The following ACO2 variants were observed in gnomAD, a reference collection of about 807,000 sequenced individuals.
The protein encoded by ACO2 is aconitase 2.
In ACO2, 31 loss-of-function variants were observed where a neutral mutation model predicts 84.5. That is an observed-to-expected ratio of 0.37 (90% CI 0.28 to 0.50). The LOEUF is 0.50. Ranked by LOEUF, ACO2 falls within the 20% of genes least tolerant of loss-of-function variation. The pLI, the probability that ACO2 is intolerant of heterozygous loss-of-function variation, is 0.97. For synonymous variants in ACO2, 414 were observed against 412.7 expected, an observed-to-expected ratio of 1.00 and a Z score of -0.04; for missense variants, 685 against 1,029.3, an observed-to-expected ratio of 0.67 and a Z score of 4.58.
At chr22:41,505,436 TAATAATA>T (rs991925652) in intron 2 of ACO2, among the ~76,000 whole-genome samples, 17 of 150,934 alleles carry the variant, frequency 1.1e-4, no homozygotes, top group Admixed American at 4.6e-4. Flanking sequence ...ACAATAATAA[TAATAATA>T]ATAATAATAA....
chr22:41,518,628 C>G, intron 8 of ACO2, 56 bp downstream of exon 8: 1 of 1,363,756 alleles, frequency 7.3e-7, no homozygotes, highest in Non-Finnish European at 1.0e-6. Context: ...GGGAGCAGGG[C>G]GGGTCCTGCC....
intron 2 of ACO2, among the ~76,000 whole-genome samples, chr22:41,506,314 G>A (rs538099216): frequency 5.4e-4 from 82 of 151,696 alleles, no homozygotes; most frequent in African/African-American, 1.9e-3. Context: ...GTGCAGTGGC[G>A]CTATCTCAGC....
At chr22:41,487,262 C>T (rs1237126627) in intron 1 of ACO2, among the ~76,000 whole-genome samples, 1 of 152,194 alleles carries the variant, frequency 6.6e-6, no homozygotes, top group Non-Finnish European at 1.5e-5. Context: ...ACTCCTTCCC[C>T]TAAAGCCCAT....
chr22:41,517,663 G>A (rs1271005027), intron 7 of ACO2, 32 bp downstream of exon 7: 1 of 1,568,374 alleles, frequency 6.4e-7, no homozygotes, highest in East Asian at 2.2e-5. Flanking sequence ...CGTGTGGGTG[G>A]AACAGTCACA....
At chr22:41,526,230 C>G (rs1023835106) in intron 14 of ACO2, 32 bp from the exon 15 acceptor site, 7 of 1,596,754 alleles carry the variant, frequency 4.4e-6, no homozygotes, top group Non-Finnish European at 6.0e-6. Flanking sequence ...GGGCCATGCC[C>G]TGACCTCTGT....
Position 41,528,740 on chromosome 22 carries a change from C to G in ACO2, c.*127C>G. The stretch of plus-strand genomic sequence containing the variant: ...GTGACCAGACATGCTTCCTGCTCCC[C>G]GCTTAGCCCACGGAGTGACTGTGGT... On this transcript the variant is annotated 3_prime_UTR_variant, in exon 18 of 18. Coordinates refer to ENST00000216254, the MANE Select transcript of ACO2 (RefSeq NM_001098.3). 7.4e-7 allele frequency: 1 copy of G among 1,346,390 alleles called. No homozygotes were observed. The highest frequency in any genetic ancestry group is 1.5e-5 in the South Asian group (1 of 68,714). 83.4% of individuals were successfully genotyped at this position (1,346,390 alleles called of 1,614,324 possible).
At chr22:41,473,663 A>C (rs1297512598) in intron 1 of ACO2, among the ~76,000 whole-genome samples, 2 of 152,186 alleles carry the variant, frequency 1.3e-5, no homozygotes, top group Admixed American at 1.3e-4. Flanking sequence ...TGTGGGGAAG[A>C]TAAGGTAGAG....
chr22:41,517,213 C>G, intron 6 of ACO2: 1 of 376,420 alleles, frequency 2.7e-6, no homozygotes, highest in South Asian at 2.4e-5. Flanking sequence ...CCTGTTCAAT[C>G]TCTTGGGCGA....
chr22:41,483,892 A>G (rs2038119040), intron 1 of ACO2, among the ~76,000 whole-genome samples: 1 of 152,194 alleles, frequency 6.6e-6, no homozygotes, highest in African/African-American at 2.4e-5. Flanking sequence ...GGATATTCTA[A>G]GGATACTAAT....
At chr22:41,522,051 G>A (rs2066530992) in intron 9 of ACO2, among the ~76,000 whole-genome samples, 1 of 152,214 alleles carries the variant, frequency 6.6e-6, no homozygotes, top group African/African-American at 2.4e-5. Flanking sequence ...GGGATTACAG[G>A]TGTGAGCCAC....
intron 1 of ACO2, among the ~76,000 whole-genome samples, chr22:41,485,434 ATTTTTTTTTTTT>A (rs71184813): frequency 2.9e-5 from 2 of 69,026 alleles, no homozygotes; most frequent in Admixed American, 2.9e-4. Flanking sequence ...TGCCCGGCTA[ATTTTTTTTTTTT>A]TTTTTTTTTT....
chr22:41,497,807 C>T (rs1056431528), intron 1 of ACO2, among the ~76,000 whole-genome samples: 12 of 151,806 alleles, frequency 7.9e-5, no homozygotes, highest in African/African-American at 2.9e-4. Context: ...TACTTGAACC[C>T]GTGAGGTGGA....
chr22:41,527,052 CTTCT>C (rs2066614197), intron 15 of ACO2: 1 of 604,650 alleles, frequency 1.7e-6, no homozygotes, highest in Non-Finnish European at 2.9e-6. Context: ...TGGCTTCTGT[CTTCT>C]TTGCCACTGC....
chr22:41,517,242 G>T, intron 6 of ACO2: 1 of 409,528 alleles, frequency 2.4e-6, no homozygotes, highest in South Asian at 2.3e-5. Flanking sequence ...CCCCAAGCTC[G>T]CAGCTCAGTG....
At chr22:41,496,350 A>G (rs545120990) in intron 1 of ACO2, among the ~76,000 whole-genome samples, 1 of 152,280 alleles carries the variant, frequency 6.6e-6, no homozygotes, top group South Asian at 2.1e-4. Flanking sequence ...TTGCAGAACA[A>G]CTTGTATGGT....
rs201905826 is a variant in ACO2 at position 41,523,957 on chromosome 22, T to C, written c.1482+16T>C. The C allele has an allele frequency of 9.3e-5, 150 of 1,611,040 alleles. No individual in the cohort carries two copies. The East Asian group carries it at 3.3e-3, about 36-fold the overall frequency. On this transcript the variant is annotated intron_variant, in intron 12 of 17. Transcript: ENST00000216254. ...GTCCCCAGAGGTGAGACTGCCCAGCTGCGCACAAGCCTGGGATGGCCTCTG... is the reference window on the plus strand; with the variant it reads ...GTCCCCAGAGGTGAGACTGCCCAGCCGCGCACAAGCCTGGGATGGCCTCTG...
At chr22:41,505,546 C>T (rs2066387224) in intron 2 of ACO2, among the ~76,000 whole-genome samples, 1 of 152,146 alleles carries the variant, frequency 6.6e-6, no homozygotes. Flanking sequence ...AGCCGTAGGG[C>T]CACACTGCTG....
At chr22:41,498,185 G>A (rs569419245) in intron 1 of ACO2, among the ~76,000 whole-genome samples, 2 of 152,146 alleles carry the variant, frequency 1.3e-5, no homozygotes, top group South Asian at 2.1e-4. Flanking sequence ...AGTAGTGTGC[G>A]CCTGTAGTCC....
At chr22:41,495,855 C>T (rs1319537153) in intron 1 of ACO2, among the ~76,000 whole-genome samples, 1 of 149,828 alleles carries the variant, frequency 6.7e-6, no homozygotes, top group Non-Finnish European at 1.5e-5. Context: ...CCCACCTCGG[C>T]CTCCCAAAGT....
Sources: gnomAD v4.1 joint callset for allele counts (sites outside exome capture counted in the v4.1 genomes callset) on GRCh38, gnomAD v4.1.1 for gene constraint, MANE v1.5 for transcripts, NCBI Gene and HGNC (gene_info 2026-07-23, HGNC 2026-07-21) for gene names.